The following SUZ12 variants were observed in gnomAD, a reference collection of about 807,000 sequenced individuals.
The protein encoded by SUZ12 is SUZ12 polycomb repressive complex 2 subunit, also known as polycomb protein SUZ12.
A neutral mutation model predicts 87.3 loss-of-function variants in SUZ12; 17 were observed. The observed-to-expected ratio is 0.19, with a 90% CI of 0.13 to 0.29. SUZ12 has a LOEUF of 0.29. Ranked by LOEUF, SUZ12 falls within the 10% of genes least tolerant of loss-of-function variation. SUZ12 has a pLI of 1.00. For synonymous variants in SUZ12, 253 were observed against 312.4 expected, an observed-to-expected ratio of 0.81 and a Z score of 2.01; for missense variants, 526 against 912.2, an observed-to-expected ratio of 0.58 and a Z score of 5.45.
intron 10 of SUZ12, among the ~76,000 whole-genome samples, chr17:31,990,720 G>A (rs1230835555): frequency 6.6e-6 from 1 of 152,002 alleles, no homozygotes; most frequent in East Asian, 1.9e-4. Flanking sequence ...CTGAGTTTAA[G>A]GCCCAAGTTG....
intron 13 of SUZ12, 132 bp downstream of exon 13, chr17:31,994,853 G>T: frequency 2.2e-6 from 2 of 899,606 alleles, no homozygotes; most frequent in East Asian, 5.5e-5. Context: ...TGTCTATGGG[G>T]TTGTTAACTA....
intron 4 of SUZ12, among the ~76,000 whole-genome samples, chr17:31,948,444 G>C (rs1255366177): frequency 6.6e-6 from 1 of 152,096 alleles, no homozygotes; most frequent in African/African-American, 2.4e-5. Flanking sequence ...AAAAATATTA[G>C]ATTCTTGAAA....
At chr17:31,953,122 T>G (rs1471766136) in intron 4 of SUZ12, among the ~76,000 whole-genome samples, 1 of 152,168 alleles carries the variant, frequency 6.6e-6, no homozygotes, top group Non-Finnish European at 1.5e-5. Flanking sequence ...TTTTTATTTT[T>G]TGAGACAAAG....
At chr17:31,972,361 G>A (rs971973747) in intron 5 of SUZ12, among the ~76,000 whole-genome samples, 21 of 144,266 alleles carry the variant, frequency 1.5e-4, no homozygotes, top group African/African-American at 5.7e-4. Context: ...ATATATATGT[G>A]TATGTATGTG....
chr17:31,993,194 C>T, intron 10 of SUZ12, 48 bp from the exon 11 acceptor site: 6 of 1,287,638 alleles, frequency 4.7e-6, no homozygotes, highest in Non-Finnish European at 5.3e-6. Flanking sequence ...TGTTATTTTG[C>T]TTTTCAAAAG....
intron 9 of SUZ12, among the ~76,000 whole-genome samples, chr17:31,983,349 C>T (rs1390713798): frequency 6.8e-6 from 1 of 146,862 alleles, no homozygotes; most frequent in African/African-American, 2.6e-5. Flanking sequence ...GGTCTCGGCT[C>T]ACTGCAACCT....
chr17:31,991,494 C>A (rs1909718192), intron 10 of SUZ12, among the ~76,000 whole-genome samples: 1 of 151,914 alleles, frequency 6.6e-6, no homozygotes, highest in Non-Finnish European at 1.5e-5. Context: ...AGAAAAAGTT[C>A]TATACAAATT....
At chr17:31,948,536 ATACACT>A (rs1341727895) in intron 4 of SUZ12, among the ~76,000 whole-genome samples, 2 of 152,328 alleles carry the variant, frequency 1.3e-5, no homozygotes, top group East Asian at 3.9e-4. Context: ...TAGATAGGAT[ATACACT>A]TAATGATGCA....
At chr17:31,955,033 C>T (rs1304354802) in intron 4 of SUZ12, among the ~76,000 whole-genome samples, 11 of 152,144 alleles carry the variant, frequency 7.2e-5, no homozygotes, top group Non-Finnish European at 1.6e-4. Flanking sequence ...GTCACCCACA[C>T]GGGAGTGCAG....
At chr17:31,989,452 G>T (rs185072223) in intron 10 of SUZ12, among the ~76,000 whole-genome samples, 1 of 152,132 alleles carries the variant, frequency 6.6e-6, no homozygotes, top group Non-Finnish European at 1.5e-5. Flanking sequence ...TTGAAGTGGG[G>T]TCCTCATGGT....
chr17:31,973,117 A>T, intron 5 of SUZ12, 29 bp from the exon 6 acceptor site: 1 of 1,513,286 alleles, frequency 6.6e-7, no homozygotes, highest in Non-Finnish European at 8.8e-7. Context: ...TTTTTTAAAT[A>T]TATTTTAAAA....
chr17:31,979,402 A>G (rs1412615007), intron 8 of SUZ12, among the ~76,000 whole-genome samples: 1 of 152,120 alleles, frequency 6.6e-6, no homozygotes, highest in Non-Finnish European at 1.5e-5. Context: ...TCCCCAGTTG[A>G]CCTCAATAAT....
At position 31,976,541 on chromosome 17, in the gene SUZ12, G is replaced by C; in HGVS notation, c.844G>C (p.Ala282Pro). The C allele has an allele frequency of 1.9e-6, 3 of 1,613,066 alleles. No individual in the cohort carries two copies. Among genetic ancestry groups the C allele is most frequent in the Non-Finnish European group, 1.7e-6 (2 of 1,179,428 alleles). ...ENIDVNEELP[A>P]RRKRNREDGE... The stretch of plus-strand genomic sequence containing the variant: ...TTTAGATGTCAATGAAGAGCTTCCA[G>C]CCAGAAGAAAACGAAATCGTGAGGA... Residue 282 changes from alanine (A) to proline (P), a missense_variant, in exon 8 of 16, where the codon GCC becomes CCC. By Grantham distance (27) the Ala-to-Pro change is conservative. Around this residue, in one of 9 missense-constraint regions of SUZ12, gnomAD observed 73 missense variants for 133.8 expected, o/e 0.55. Coordinates refer to ENST00000322652, the MANE Select transcript of SUZ12 (RefSeq NM_015355.4).
intron 8 of SUZ12, among the ~76,000 whole-genome samples, chr17:31,982,347 A>G (rs1174522806): frequency 6.6e-6 from 1 of 152,080 alleles, no homozygotes; most frequent in Non-Finnish European, 1.5e-5. Context: ...TGTTTGTAAC[A>G]CTATTATCCT....
intron 8 of SUZ12, among the ~76,000 whole-genome samples, chr17:31,979,333 T>A (rs1329861268): frequency 1.3e-5 from 2 of 152,252 alleles, no homozygotes; most frequent in Non-Finnish European, 2.9e-5. Flanking sequence ...ACGAAGACAT[T>A]TTCTGATATA....
In SUZ12 at chr17:31,995,768, T is replaced by A; in HGVS notation, c.1794+6T>A. The A allele has an allele frequency of 6.3e-7, 1 of 1,581,560 alleles. No individual in the cohort carries two copies. Among genetic ancestry groups the A allele is most frequent in the Non-Finnish European group, 8.7e-7 (1 of 1,155,164 alleles). On this transcript the variant is annotated splice_donor_region_variant and intron_variant, in intron 14 of 15. Transcript: ENST00000322652. Reference sequence around the variant, plus strand: ...TAAGAGAAAAAACCATTACAGTAATTATTATTATCTTTATTGGCAATTATC... The same window carrying A: ...TAAGAGAAAAAACCATTACAGTAATAATTATTATCTTTATTGGCAATTATC...
intron 4 of SUZ12, among the ~76,000 whole-genome samples, chr17:31,961,261 G>A (rs1295156652): frequency 6.6e-6 from 1 of 151,368 alleles, no homozygotes; most frequent in Non-Finnish European, 1.5e-5. Flanking sequence ...TATGATAATG[G>A]CTGGTTGGCT....
chr17:31,940,467 T>G lies in SUZ12; in HGVS notation c.367T>G (p.Ser123Ala). The change falls in exon 3 of 16, where the codon TCC (serine) becomes GCC (alanine). Residue 123 changes from serine (S) to alanine (A), a missense_variant. This residue lies in a region of SUZ12 where 49 missense variants were observed against 73.2 expected (regional missense o/e 0.67). Transcript: ENST00000322652. ...RTLTYMSHRN[S>A]RTNIKRKTFK... ...TCTTACTTACATGTCTCATCGAAACTCCAGAACAAACATCAAAAGGTACAT... is the reference window on the plus strand; with the variant it reads ...TCTTACTTACATGTCTCATCGAAACGCCAGAACAAACATCAAAAGGTACAT... 2 of 1,584,924 alleles carry G rather than the reference T, an allele frequency of 1.3e-6. No homozygotes were observed. Among genetic ancestry groups the G allele is most frequent in the Non-Finnish European group, 1.7e-6 (2 of 1,165,412 alleles).
intron 1 of SUZ12, among the ~76,000 whole-genome samples, chr17:31,938,807 C>G (rs1906097946): frequency 6.6e-6 from 1 of 152,192 alleles, no homozygotes; most frequent in Non-Finnish European, 1.5e-5. Context: ...AATGTTAAGA[C>G]ACATCCTCCA....
Sources: gnomAD v4.1 joint callset for allele counts (sites outside exome capture counted in the v4.1 genomes callset) on GRCh38, gnomAD v4.1.1 for gene constraint, gnomAD v4.1.1 regional missense constraint, MANE v1.5 for transcripts, NCBI Gene and HGNC (gene_info 2026-07-23, HGNC 2026-07-21) for gene names.